The following GALNTL6 variants were observed in gnomAD, a reference collection of about 807,000 sequenced individuals.
The protein encoded by GALNTL6 is polypeptide N-acetylgalactosaminyltransferase-like 6.
A neutral mutation model predicts 73.7 loss-of-function variants in GALNTL6; 46 were observed. The ratio of observed to expected loss-of-function variants is 0.62; its 90% confidence interval spans 0.49 to 0.80. The LOEUF is 0.80. GALNTL6 is among the 30% of genes least tolerant of loss of function. GALNTL6 has a pLI of 0.00. For synonymous variants in GALNTL6, 259 were observed against 263.7 expected (o/e 0.98, Z 0.17); for missense variants, 604 against 755.0 (o/e 0.80, Z 2.34).
At chr4:172,823,006 C>A (rs566228856) in intron 7 of GALNTL6, among the ~76,000 whole-genome samples, 1 of 152,138 alleles carries the variant, frequency 6.6e-6, no homozygotes, top group African/African-American at 2.4e-5. Context: ...CTTTCTGGCT[C>A]CCCATTCTTC....
rs200972681 is a variant in GALNTL6, at chr4:171,897,771, C to CA, written c.138+83060dup. Reference sequence around the variant, plus strand: ...TGAAACCGCTTTTCTACTAAAAATGCAAAAAAATTAGCCAGACATAGTGGC... The same window carrying CA: ...TGAAACCGCTTTTCTACTAAAAATGCAAAAAAAATTAGCCAGACATAGTGGC... On this transcript the variant is annotated intron_variant, in intron 2 of 12. Coordinates refer to ENST00000506823, the MANE Select transcript of GALNTL6 (RefSeq NM_001034845.3). Among the ~76,000 whole-genome samples the CA allele has an allele frequency of 6.1e-3, 910 of 150,110 alleles. 10 individuals carry two copies. Among genetic ancestry groups the CA allele is most frequent in the African/African-American group, 0.019 (781 of 41,044 alleles).
intron 5 of GALNTL6, among the ~76,000 whole-genome samples, chr4:172,398,051 T>C (rs188709977): frequency 6.6e-6 from 1 of 152,330 alleles, no homozygotes; most frequent in African/African-American, 2.4e-5. Flanking sequence ...AATTGTCTTT[T>C]CTGTTTTATT....
chr4:172,769,740 G>T (rs140201433), intron 5 of GALNTL6, among the ~76,000 whole-genome samples: 28 of 152,266 alleles, frequency 1.8e-4, no homozygotes, highest in East Asian at 1.5e-3. Flanking sequence ...AGAGAGAAAA[G>T]GTTTACACCA....
chr4:171,954,756 G>A (rs1271918118), intron 2 of GALNTL6, among the ~76,000 whole-genome samples: 3 of 152,094 alleles, frequency 2.0e-5, no homozygotes, highest in Non-Finnish European at 4.4e-5. Context: ...CATGGTGAGA[G>A]GTGATTAAAT....
intron 8 of GALNTL6, among the ~76,000 whole-genome samples, chr4:172,883,394 G>C (rs1277925028): frequency 6.6e-6 from 1 of 152,230 alleles, no homozygotes; most frequent in African/African-American, 2.4e-5. Flanking sequence ...CACAAGAAGT[G>C]TGGTGCTGGC....
At chr4:172,477,583 T>C (rs988758659) in intron 5 of GALNTL6, among the ~76,000 whole-genome samples, 2 of 152,194 alleles carry the variant, frequency 1.3e-5, no homozygotes, top group African/African-American at 2.4e-5. Flanking sequence ...AAGACTTAAC[T>C]GGCTGGCTGT....
At chr4:171,894,487 A>C (rs1736852590) in intron 2 of GALNTL6, among the ~76,000 whole-genome samples, 1 of 152,226 alleles carries the variant, frequency 6.6e-6, no homozygotes, top group Admixed American at 6.5e-5. Flanking sequence ...TTTACAATAT[A>C]ATTAAAATGA....
At chr4:172,049,846 TG>T (rs1267629265) in intron 2 of GALNTL6, among the ~76,000 whole-genome samples, 2 of 152,098 alleles carry the variant, frequency 1.3e-5, no homozygotes, top group African/African-American at 2.4e-5. Context: ...TAGCCTGGCA[TG>T]GTGGCAGGTG....
intron 5 of GALNTL6, among the ~76,000 whole-genome samples, chr4:172,734,575 A>G (rs1436312651): frequency 3.9e-5 from 6 of 152,182 alleles, no homozygotes; most frequent in Non-Finnish European, 8.8e-5. Context: ...TCCAGGTCAC[A>G]CTGCCGCAAG....
At chr4:172,211,957 T>G (rs836313) in intron 2 of GALNTL6, among the ~76,000 whole-genome samples, 66,122 of 152,022 alleles carry the variant, frequency 0.43, 16,765 homozygotes, top group East Asian at 0.78. Context: ...CATATGAATT[T>G]TTGGGGAAAG....
At chr4:172,427,679 A>G (rs942526322) in intron 5 of GALNTL6, among the ~76,000 whole-genome samples, 5 of 152,192 alleles carry the variant, frequency 3.3e-5, no homozygotes, top group Non-Finnish European at 4.4e-5. Context: ...TAAAAGAGAT[A>G]TTAATTAGGT....
intron 10 of GALNTL6, 53 bp from the exon 11 acceptor site, chr4:173,009,125 A>G (rs1752426684): frequency 1.7e-6 from 2 of 1,167,560 alleles, no homozygotes; most frequent in South Asian, 2.4e-5. Flanking sequence ...GTTAGGAGCC[A>G]ATGATAAAAT....
At chr4:172,568,573 G>T (rs942558091) in intron 5 of GALNTL6, among the ~76,000 whole-genome samples, 2 of 151,598 alleles carry the variant, frequency 1.3e-5, no homozygotes, top group African/African-American at 4.8e-5. Context: ...TGGCTAACAC[G>T]GTGAAACCCC....
chr4:173,011,538 C>A (rs191351708), intron 11 of GALNTL6, among the ~76,000 whole-genome samples: 9 of 152,132 alleles, frequency 5.9e-5, no homozygotes, highest in Non-Finnish European at 1.0e-4. Flanking sequence ...TTGTACATGA[C>A]AAGAGATGGG....
intron 5 of GALNTL6, among the ~76,000 whole-genome samples, chr4:172,571,176 C>A (rs1020627639): frequency 6.6e-6 from 1 of 152,066 alleles, no homozygotes; most frequent in Non-Finnish European, 1.5e-5. Flanking sequence ...GCAGCCCTAG[C>A]GAACTAACAC....
At chr4:172,672,232 T>C (rs968132640) in intron 5 of GALNTL6, among the ~76,000 whole-genome samples, 3 of 152,218 alleles carry the variant, frequency 2.0e-5, no homozygotes, top group Non-Finnish European at 4.4e-5. Context: ...GAGTGTTTAA[T>C]TTTATCAAAA....
chr4:172,497,991 C>CTTTTTTT lies in GALNTL6; in HGVS notation c.553+149306_553+149312dup, dbSNP rs10669113. Reference sequence around the variant, plus strand: ...ACAGACTTTGGGGAATGTCACATTTCTTTTTTTTTTGTTTTTTTGAGATGG... The same window carrying CTTTTTTT: ...ACAGACTTTGGGGAATGTCACATTTCTTTTTTTTTTTTTTTTTGTTTTTTTGAGATGG... On this transcript the variant is annotated intron_variant, in intron 5 of 12. Transcript: ENST00000506823. Among the ~76,000 whole-genome samples, 15 of 104,546 alleles carry CTTTTTTT rather than the reference C, an allele frequency of 1.4e-4. 3 individuals carry two copies. The highest frequency in any genetic ancestry group is 2.4e-4 in the Non-Finnish European group (13 of 54,004). The allele number at this position is 104,546 out of a possible 152,430, so 68.6% of individuals were successfully genotyped here.
At chr4:172,436,815 C>CT (rs1449929137) in intron 5 of GALNTL6, among the ~76,000 whole-genome samples, 1 of 152,116 alleles carries the variant, frequency 6.6e-6, no homozygotes, top group Non-Finnish European at 1.5e-5. Context: ...CAGGCTCCTC[C>CT]TTTATTCAAC....
chr4:172,376,914 G>GT (rs1743053094), intron 5 of GALNTL6, among the ~76,000 whole-genome samples: 1 of 152,102 alleles, frequency 6.6e-6, no homozygotes, highest in Non-Finnish European at 1.5e-5. Flanking sequence ...CTTCTGTTGG[G>GT]TTCATGGTCT....
Sources: gnomAD v4.1 joint callset for allele counts (sites outside exome capture counted in the v4.1 genomes callset) on GRCh38, gnomAD v4.1.1 for gene constraint, MANE v1.5 for transcripts, NCBI Gene and HGNC (gene_info 2026-07-23, HGNC 2026-07-21) for gene names.